TOGARAM1: variants seen among roughly 807,000 people sequenced by gnomAD.
TOGARAM1 encodes TOG array regulator of axonemal microtubules protein 1.
Under a neutral mutation model 166.6 loss-of-function variants are expected in TOGARAM1, and 100 were observed. The ratio of observed to expected loss-of-function variants is 0.60; its 90% confidence interval spans 0.51 to 0.71. The LOEUF is 0.71. Ranked by LOEUF, TOGARAM1 falls within the 30% of genes least tolerant of loss-of-function variation. TOGARAM1 has a pLI of 0.00. For missense variants in TOGARAM1, 2,029 were observed against 2,102.7 expected (o/e 0.96, Z 0.69); for synonymous variants, 758 against 763.8 (o/e 0.99, Z 0.13).
At chr14:44,990,554 T>C (rs2138790463) in intron 1 of TOGARAM1, among the ~76,000 whole-genome samples, 1 of 152,308 alleles carries the variant, frequency 6.6e-6, no homozygotes, top group South Asian at 2.1e-4. Context: ...AGACATTTAG[T>C]TGGTTATTTC....
chr14:45,021,305 T>C (rs936241316), intron 7 of TOGARAM1, among the ~76,000 whole-genome samples: 1 of 151,688 alleles, frequency 6.6e-6, no homozygotes, highest in Non-Finnish European at 1.5e-5. Flanking sequence ...CATATGGGTA[T>C]GGGGCAGTGA....
chr14:45,032,395 A>G lies in TOGARAM1; in HGVS notation c.3812+19A>G, dbSNP rs767487155. On this transcript the variant is annotated intron_variant, in intron 11 of 19. Coordinates refer to ENST00000361462, the MANE Select transcript of TOGARAM1 (RefSeq NM_001308120.2). Reference sequence around the variant, plus strand: ...AGGATTGGTAAGTTCACCATCCTTAACTTAAAACTAAGCAGAGTTCAAAAG... The same window carrying G: ...AGGATTGGTAAGTTCACCATCCTTAGCTTAAAACTAAGCAGAGTTCAAAAG... 6.2e-7 allele frequency: 1 copy of G among 1,600,316 alleles called. No individual in the cohort carries two copies.
Position 45,000,140 on chromosome 14 carries a change from A to G in TOGARAM1, c.2338+643A>G, listed in dbSNP as rs546945415. ...CAGCCTCCTGACTAGCTGGGACTAC[A>G]GGTACACGCCACCACGCCCAGGTAA... On this transcript the variant is annotated intron_variant, in intron 3 of 19. Transcript: ENST00000361462. Among the ~76,000 whole-genome samples, 8 of 152,188 alleles carry G rather than the reference A, an allele frequency of 5.3e-5. No individual in the cohort carries two copies. In the East Asian group the frequency reaches 1.5e-3, roughly 29 times the overall value.
intron 14 of TOGARAM1, among the ~76,000 whole-genome samples, chr14:45,047,130 G>A (rs1764070011): frequency 6.6e-6 from 1 of 152,016 alleles, no homozygotes; most frequent in African/African-American, 2.4e-5. Flanking sequence ...GGTGGCTCAC[G>A]CCTGTAATCC....
chr14:45,053,214 ATTTT>A (rs1482027220), intron 15 of TOGARAM1, among the ~76,000 whole-genome samples: 1 of 151,272 alleles, frequency 6.6e-6, no homozygotes, highest in African/African-American at 2.4e-5. Flanking sequence ...AATTTTTTGT[ATTTT>A]TTAGTAGAGA....
intron 6 of TOGARAM1, 26 bp from the exon 7 acceptor site, chr14:45,011,949 A>T (rs746049024): frequency 5.0e-5 from 75 of 1,511,178 alleles, no homozygotes; most frequent in Middle Eastern, 1.7e-4. Flanking sequence ...CTTAATGTTT[A>T]TTGAAATTAC....
At chr14:45,059,650 T>C (rs1365542977) in intron 16 of TOGARAM1, among the ~76,000 whole-genome samples, 2 of 151,518 alleles carry the variant, frequency 1.3e-5, no homozygotes, top group Non-Finnish European at 2.9e-5. Context: ...AGCGAGACTC[T>C]GTCTCAAAAA....
chr14:44,980,174 G>A (rs117098369), intron 1 of TOGARAM1, among the ~76,000 whole-genome samples: 2,835 of 152,182 alleles, frequency 0.019, 31 homozygotes, highest in African/African-American at 0.037. Context: ...ATTTGTACTG[G>A]CTCTTGGCCA....
intron 11 of TOGARAM1, among the ~76,000 whole-genome samples, chr14:45,039,858 C>T (rs1881635983): frequency 6.6e-6 from 1 of 152,172 alleles, no homozygotes; most frequent in African/African-American, 2.4e-5. Context: ...TGGCTCCCAC[C>T]TGTTCCTGGC....
At chr14:45,028,721 T>G (rs911123231) in intron 10 of TOGARAM1, among the ~76,000 whole-genome samples, 5 of 152,192 alleles carry the variant, frequency 3.3e-5, no homozygotes, top group Admixed American at 3.3e-4. Flanking sequence ...TGTTTTGTGC[T>G]TGGTCAAGAG....
At chr14:44,970,211 T>C (rs903388907) in intron 1 of TOGARAM1, among the ~76,000 whole-genome samples, 2 of 152,244 alleles carry the variant, frequency 1.3e-5, no homozygotes, top group Admixed American at 6.5e-5. Flanking sequence ...TTCTTTGATA[T>C]CTTGCATTGG....
intron 1 of TOGARAM1, among the ~76,000 whole-genome samples, chr14:44,981,895 G>T (rs1244697425): frequency 6.4e-5 from 9 of 141,086 alleles, no homozygotes; most frequent in Non-Finnish European, 4.5e-5. Flanking sequence ...CCAGGCTGGA[G>T]TGCAGTGGCG....
rs137860944 is a variant in TOGARAM1 at position 45,021,774 on chromosome 14, C to T, written c.3239-4009C>T. Among the ~76,000 whole-genome samples the T allele has an allele frequency of 1.1e-3, 167 of 152,198 alleles. 1 individual carries two copies. Among genetic ancestry groups the T allele is most frequent in the African/African-American group, 3.8e-3 (159 of 41,508 alleles). ...AAGGGGCTTGACTAATACCATGTCA[C>T]CAGGGTGGAATAATTCCTTTCCCTC... On this transcript the variant is annotated intron_variant, in intron 7 of 19. Coordinates refer to ENST00000361462, the MANE Select transcript of TOGARAM1 (RefSeq NM_001308120.2).
At chr14:44,996,593 C>A (rs564690153) in intron 2 of TOGARAM1, 2 of 152,270 alleles carry the variant, frequency 1.3e-5, no homozygotes, top group South Asian at 4.1e-4. Flanking sequence ...TTTCCAGGCT[C>A]ATTTTGGATT....
At chr14:44,968,972 G>T (rs2138719170) in intron 1 of TOGARAM1, among the ~76,000 whole-genome samples, 1 of 152,158 alleles carries the variant, frequency 6.6e-6, no homozygotes, top group South Asian at 2.1e-4. Flanking sequence ...TGTCTCCATA[G>T]TTTTGTCATT....
At chr14:45,023,403 G>T (rs1880639764) in intron 7 of TOGARAM1, among the ~76,000 whole-genome samples, 1 of 152,106 alleles carries the variant, frequency 6.6e-6, no homozygotes, top group African/African-American at 2.4e-5. Context: ...TGATATTGTT[G>T]TCTGACAGTC....
rs371608679 is a variant in TOGARAM1, at chr14:44,999,944, T to C, written c.2338+447T>C. On this transcript the variant is annotated intron_variant, in intron 3 of 19. Coordinates refer to ENST00000361462, the MANE Select transcript of TOGARAM1 (RefSeq NM_001308120.2). ...AGTATTGTTAACTATAGTCACCTTA[T>C]TGTGCTATACTGAGCACTAGATCTT... 2.6e-5 allele frequency among the ~76,000 whole-genome samples: 4 copies of C among 152,344 alleles called. No homozygotes were observed. In the East Asian group the frequency reaches 7.7e-4, roughly 29 times the overall value.
At chr14:44,967,934 A>C (rs1419294840) in intron 1 of TOGARAM1, among the ~76,000 whole-genome samples, 3 of 151,580 alleles carry the variant, frequency 2.0e-5, no homozygotes, top group African/African-American at 7.3e-5. Flanking sequence ...GATTTTTTTT[A>C]AGGCATTACT....
rs1323289875 is a variant in TOGARAM1, at chr14:45,052,427, TACTC to T, written c.4314-6_4314-3del. ...AAAAGTAATATACCTGTTTTTCAAA[TACTC>T]ACAGGTATTATGGTCGAAAGATGCT... is the stretch of plus-strand genomic sequence containing the variant. On this transcript the variant is annotated splice_polypyrimidine_tract_variant and splice_region_variant and intron_variant, in intron 14 of 19. Coordinates refer to ENST00000361462, the MANE Select transcript of TOGARAM1 (RefSeq NM_001308120.2). 5.6e-6 allele frequency: 9 copies of T among 1,603,150 alleles called. No individual in the cohort carries two copies. The highest frequency in any genetic ancestry group is 3.3e-5 in the South Asian group (3 of 89,854).
Sources: gnomAD v4.1 joint callset for allele counts (sites outside exome capture counted in the v4.1 genomes callset) on GRCh38, gnomAD v4.1.1 for gene constraint, MANE v1.5 for transcripts, NCBI Gene and HGNC (gene_info 2026-07-23, HGNC 2026-07-21) for gene names.